NRG3: variants seen among roughly 807,000 people sequenced by gnomAD.
The protein encoded by NRG3 is pro-neuregulin-3, membrane-bound isoform.
NRG3 carries 31 observed loss-of-function variants against 66.9 expected under a neutral mutation model. The observed-to-expected ratio is 0.46, with a 90% CI of 0.35 to 0.63. The LOEUF is 0.63. Among genes scored for constraint, NRG3 ranks in the 20% least tolerant of loss-of-function variants. The probability of loss-of-function intolerance (pLI) is 0.00; values close to 1 mark genes in which losing one functional copy is unlikely to be tolerated. For missense variants in NRG3, 910 were observed against 878.9 expected, an observed-to-expected ratio of 1.04 and a Z score of -0.45; for synonymous variants, 393 against 359.4, an observed-to-expected ratio of 1.09 and a Z score of -1.06.
intron 4 of NRG3, among the ~76,000 whole-genome samples, chr10:82,879,500 T>G (rs190127902): frequency 1.7e-3 from 230 of 134,996 alleles, no homozygotes; most frequent in Non-Finnish European, 2.9e-3. Flanking sequence ...TGAGACGGAG[T>G]CTCCCTCTGT....
intron 2 of NRG3, among the ~76,000 whole-genome samples, chr10:82,647,285 G>A (rs939802801): frequency 6.6e-6 from 1 of 152,080 alleles, no homozygotes; most frequent in African/African-American, 2.4e-5. Flanking sequence ...ATAGTTTACT[G>A]AGGATGATGA....
intron 1 of NRG3, among the ~76,000 whole-genome samples, chr10:82,149,232 C>A (rs901841911): frequency 6.6e-6 from 1 of 151,996 alleles, no homozygotes; most frequent in Non-Finnish European, 1.5e-5. Flanking sequence ...GTTATTATCC[C>A]CAGTTGTTTG....
intron 2 of NRG3, among the ~76,000 whole-genome samples, chr10:82,594,160 G>A (rs1465710082): frequency 1.3e-5 from 2 of 152,076 alleles, no homozygotes; most frequent in Non-Finnish European, 2.9e-5. Flanking sequence ...AATAATGGCT[G>A]TAATATATAC....
chr10:82,897,867 T>C (rs1369328016), intron 4 of NRG3, among the ~76,000 whole-genome samples: 1 of 152,150 alleles, frequency 6.6e-6, no homozygotes, highest in African/African-American at 2.4e-5. Flanking sequence ...AATGTTTCAT[T>C]CTCTAATTAA....
intron 2 of NRG3, among the ~76,000 whole-genome samples, chr10:82,663,699 A>G (rs964736411): frequency 1.3e-5 from 2 of 152,224 alleles, no homozygotes; most frequent in Admixed American, 1.3e-4. Flanking sequence ...GGACATGAGC[A>G]CTGCTGCAAA....
chr10:82,788,155 T>C (rs1280801568), intron 3 of NRG3, among the ~76,000 whole-genome samples: 1 of 152,220 alleles, frequency 6.6e-6, no homozygotes, highest in African/African-American at 2.4e-5. Flanking sequence ...TGGTGTTTAC[T>C]TTTTTGAGAA....
At chr10:81,904,600 G>A (rs1442382627) in intron 1 of NRG3, among the ~76,000 whole-genome samples, 2 of 152,086 alleles carry the variant, frequency 1.3e-5, no homozygotes, top group Non-Finnish European at 2.9e-5. Flanking sequence ...AAAATAAGGA[G>A]CCTGTCCATG....
intron 2 of NRG3, among the ~76,000 whole-genome samples, chr10:82,367,102 G>C (rs1298467914): frequency 6.6e-5 from 10 of 152,050 alleles, no homozygotes; most frequent in Admixed American, 6.6e-4. Context: ...TTAAGACCAG[G>C]CTTGTTTATG....
intron 2 of NRG3, among the ~76,000 whole-genome samples, chr10:82,735,245 T>C (rs933755459): frequency 6.6e-6 from 1 of 152,204 alleles, no homozygotes; most frequent in Non-Finnish European, 1.5e-5. Context: ...ACACAATGTT[T>C]ATCAACTTTG....
chr10:82,183,601 A>G (rs1176170450), intron 1 of NRG3, among the ~76,000 whole-genome samples: 1 of 152,086 alleles, frequency 6.6e-6, no homozygotes, highest in Non-Finnish European at 1.5e-5. Context: ...CAAACAAGAT[A>G]TTTAATAAAA....
At chr10:82,620,976 A>G (rs185975449) in intron 2 of NRG3, among the ~76,000 whole-genome samples, 17 of 152,232 alleles carry the variant, frequency 1.1e-4, no homozygotes, top group Middle Eastern at 6.8e-3. Flanking sequence ...AGGATATTAC[A>G]TATATATCCT....
intron 1 of NRG3, among the ~76,000 whole-genome samples, chr10:82,052,592 G>C (rs2063654902): frequency 6.6e-6 from 1 of 152,190 alleles, no homozygotes; most frequent in African/African-American, 2.4e-5. Flanking sequence ...TCTGTTTTAA[G>C]AATGAAAATA....
intron 1 of NRG3, among the ~76,000 whole-genome samples, chr10:82,185,624 A>G (rs904081863): frequency 6.6e-6 from 1 of 152,334 alleles, no homozygotes; most frequent in African/African-American, 2.4e-5. Flanking sequence ...CACATGCATG[A>G]TACTTCACTT....
At chr10:82,833,579 A>G (rs983742458) in intron 3 of NRG3, among the ~76,000 whole-genome samples, 1 of 152,140 alleles carries the variant, frequency 6.6e-6, no homozygotes, top group Non-Finnish European at 1.5e-5. Context: ...GCCCTTCTGC[A>G]TACCAGCATC....
chr10:82,401,925 C>A (rs981753382), intron 2 of NRG3, among the ~76,000 whole-genome samples: 5 of 151,794 alleles, frequency 3.3e-5, no homozygotes, highest in Admixed American at 3.3e-4. Context: ...TGTTCTATTG[C>A]TTTATTGGCT....
chr10:82,858,282 C>T (rs1350677116), intron 3 of NRG3, among the ~76,000 whole-genome samples: 1 of 152,148 alleles, frequency 6.6e-6, no homozygotes, highest in Non-Finnish European at 1.5e-5. Context: ...CAGAGCCAGC[C>T]CCATTCCCTT....
intron 1 of NRG3, among the ~76,000 whole-genome samples, chr10:82,043,400 C>G: frequency 6.6e-6 from 1 of 151,976 alleles, no homozygotes; most frequent in East Asian, 1.9e-4. Context: ...AAAATTATCT[C>G]TTTGCTTTGC....
intron 2 of NRG3, among the ~76,000 whole-genome samples, chr10:82,692,185 A>T (rs935399678): frequency 6.6e-6 from 1 of 151,470 alleles, no homozygotes; most frequent in Non-Finnish European, 1.5e-5. Flanking sequence ...CCCAGGAGGC[A>T]GAGGTTGCAG....
intron 2 of NRG3, among the ~76,000 whole-genome samples, chr10:82,434,169 A>G (rs911140815): frequency 3.3e-5 from 5 of 151,896 alleles, no homozygotes; most frequent in Admixed American, 2.6e-4. Flanking sequence ...TTCACATCCC[A>G]TGTTAGCTGT....
Sources: allele counts gnomAD v4.1 joint callset (sites outside exome capture counted in the v4.1 genomes callset), GRCh38; gene constraint gnomAD v4.1.1; transcripts MANE v1.5; gene names NCBI Gene and HGNC (gene_info 2026-07-23, HGNC 2026-07-21).